Variants in IFT81 observed in about 807,000 individuals in gnomAD.
IFT81 encodes the protein intraflagellar transport protein 81 homolog.
IFT81 carries 72 observed loss-of-function variants against 102.6 expected under a neutral mutation model. The ratio of observed to expected loss-of-function variants is 0.70; its 90% CI spans 0.58 to 0.85. The LOEUF (loss-of-function observed/expected upper bound fraction) is 0.85, where lower values mean the gene tolerates loss of function less well. Ranked by LOEUF, IFT81 falls within the 40% of genes least tolerant of loss-of-function variation. The probability of loss-of-function intolerance (pLI) is 0.00; values close to 1 mark genes in which losing one functional copy is unlikely to be tolerated. For synonymous variants in IFT81, 237 were observed against 242.7 expected (o/e 0.98, Z 0.22); for missense variants, 723 against 787.3 (o/e 0.92, Z 0.98).
intron 14 of IFT81, chr12:110,203,388 A>G (rs1049916006): frequency 1.3e-5 from 2 of 157,602 alleles, no homozygotes; most frequent in African/African-American, 4.8e-5. Context: ...TTTTTTAAAT[A>G]CTGTCTTCCC....
intron 4 of IFT81, among the ~76,000 whole-genome samples, chr12:110,131,745 T>C (rs545716106): frequency 1.1e-4 from 17 of 152,326 alleles, no homozygotes; most frequent in African/African-American, 4.1e-4. Context: ...TCTTTTCCTC[T>C]TGGCTCTCAC....
At chr12:110,125,658 G>C (rs1893790107) in intron 1 of IFT81, among the ~76,000 whole-genome samples, 1 of 152,216 alleles carries the variant, frequency 6.6e-6, no homozygotes, top group African/African-American at 2.4e-5. Flanking sequence ...GCCTCCCAAA[G>C]TACTGGGATT....
chr12:110,137,289 G>C (rs936267016), intron 8 of IFT81, among the ~76,000 whole-genome samples: 1 of 152,192 alleles, frequency 6.6e-6, no homozygotes, highest in Non-Finnish European at 1.5e-5. Context: ...GCAGTGAGCC[G>C]AGACCGCGCC....
chr12:110,157,756 T>C (rs147321792), intron 10 of IFT81, among the ~76,000 whole-genome samples: 7 of 152,348 alleles, frequency 4.6e-5, no homozygotes, highest in Non-Finnish European at 1.0e-4. Flanking sequence ...ATAATTTCTA[T>C]TGTCCTGTCT....
At position 110,144,309 on chromosome 12, in the gene IFT81, C is replaced by T. The variant is rs868528350; in HGVS notation, c.945+764C>T. 1.1e-4 allele frequency among the ~76,000 whole-genome samples: 16 copies of T among 151,056 alleles called. No homozygotes were observed. The Middle Eastern group carries it at 0.014, about 130-fold the overall frequency. ...TCGGCTCACTACAACCTCCGCTTCC[C>T]GAGTTCAAGCGATTCTCCTGCCTCA... On this transcript the variant is annotated intron_variant, in intron 9 of 18. Transcript: ENST00000242591.
At chr12:110,190,232 ACCAGCTGAACC>A (rs1897729233) in intron 12 of IFT81, among the ~76,000 whole-genome samples, 2 of 152,172 alleles carry the variant, frequency 1.3e-5, no homozygotes, top group Non-Finnish European at 1.5e-5. Flanking sequence ...GACCTAGCAA[ACCAGCTGAACC>A]CCATGTAACC....
At chr12:110,202,984 G>A (rs1343845470) in intron 14 of IFT81, among the ~76,000 whole-genome samples, 1 of 152,084 alleles carries the variant, frequency 6.6e-6, no homozygotes, top group Non-Finnish European at 1.5e-5. Context: ...AACCAGCATA[G>A]GCTGGGTGCG....
At chr12:110,179,771 T>TACACACAC (rs1180642058) in intron 11 of IFT81, among the ~76,000 whole-genome samples, 15 of 52,760 alleles carry the variant, frequency 2.8e-4, no homozygotes, top group East Asian at 1.5e-3. Flanking sequence ...TATATATATA[T>TACACACAC]ATACACACAC....
intron 11 of IFT81, among the ~76,000 whole-genome samples, chr12:110,176,252 C>G (rs1897029646): frequency 6.6e-6 from 1 of 152,186 alleles, no homozygotes; most frequent in Non-Finnish European, 1.5e-5. Context: ...TTCCCAAGCC[C>G]CCTCATTTCC....
At chr12:110,195,485 C>T (rs1411034426) in intron 14 of IFT81, among the ~76,000 whole-genome samples, 1 of 152,132 alleles carries the variant, frequency 6.6e-6, no homozygotes, top group Admixed American at 6.6e-5. Flanking sequence ...GACATTCCCC[C>T]ACCCACCTCT....
At chr12:110,194,337 T>G (rs918867345) in intron 14 of IFT81, among the ~76,000 whole-genome samples, 2 of 152,236 alleles carry the variant, frequency 1.3e-5, no homozygotes, top group Non-Finnish European at 2.9e-5. Flanking sequence ...AGTTTTATGT[T>G]TATTTTCTTA....
At chr12:110,150,069 A>C (rs2137387410) in intron 10 of IFT81, among the ~76,000 whole-genome samples, 1 of 151,948 alleles carries the variant, frequency 6.6e-6, no homozygotes, top group Middle Eastern at 3.4e-3. Flanking sequence ...TCTGGGTGTT[A>C]GGAGTTCTCG....
intron 18 of IFT81, chr12:110,216,541 G>T: frequency 2.3e-6 from 1 of 432,632 alleles, no homozygotes; most frequent in South Asian, 1.6e-5. Context: ...TTCCAGAGAC[G>T]GAATCTCACT....
chr12:110,136,358 G>A (rs371449434), intron 7 of IFT81, among the ~76,000 whole-genome samples: 6 of 152,174 alleles, frequency 3.9e-5, no homozygotes, highest in African/African-American at 7.2e-5. Flanking sequence ...ACTTGGCATC[G>A]AAGTAGTTTC....
At chr12:110,216,475 G>A (rs1284058696) in intron 18 of IFT81, 1 of 452,652 alleles carries the variant, frequency 2.2e-6, no homozygotes, top group African/African-American at 2.0e-5. Flanking sequence ...AATTACAGGT[G>A]TGAGTCACCG....
chr12:110,167,829 T>G, intron 11 of IFT81: 1 of 304,320 alleles, frequency 3.3e-6, no homozygotes, highest in Non-Finnish European at 6.3e-6. Flanking sequence ...TAAGTACAAT[T>G]TTTTTTTATT....
chr12:110,188,057 G>A (rs1897616640), intron 12 of IFT81, among the ~76,000 whole-genome samples: 1 of 152,142 alleles, frequency 6.6e-6, no homozygotes, highest in African/African-American at 2.4e-5. Flanking sequence ...GCTCGGCCGG[G>A]CGCGGTGGCT....
chr12:110,132,929 CTA>C (rs1894257667), intron 5 of IFT81, among the ~76,000 whole-genome samples: 1 of 149,264 alleles, frequency 6.7e-6, no homozygotes, highest in Non-Finnish European at 1.5e-5. Flanking sequence ...AACCTAGAGT[CTA>C]TATTTTAATT....
At chr12:110,142,300 T>C (rs1259081713) in intron 8 of IFT81, among the ~76,000 whole-genome samples, 2 of 152,118 alleles carry the variant, frequency 1.3e-5, no homozygotes, top group Admixed American at 1.3e-4. Context: ...CCCAAGTAGC[T>C]GAGACTACAG....
Sources: allele counts gnomAD v4.1 joint callset (sites outside exome capture counted in the v4.1 genomes callset), GRCh38; gene constraint gnomAD v4.1.1; transcripts MANE v1.5; gene names NCBI Gene and HGNC (gene_info 2026-07-23, HGNC 2026-07-21).